Variants in MARCHF1 observed in about 807,000 individuals in gnomAD.
The protein encoded by MARCHF1 is membrane associated ring-CH-type finger 1.
In MARCHF1, 40 loss-of-function variants were observed where a neutral mutation model predicts 54.2. That is an observed-to-expected ratio of 0.74 (90% CI 0.57 to 0.96). The LOEUF is 0.96. MARCHF1 is among the 40% of genes least tolerant of loss of function. The pLI is 0.00. For synonymous variants in MARCHF1, 236 were observed against 236.3 expected, an observed-to-expected ratio of 1.00 and a Z score of 0.01; for missense variants, 586 against 656.5, an observed-to-expected ratio of 0.89 and a Z score of 1.17.
chr4:163,908,225 C>T (rs1415298553), intron 3 of MARCHF1, among the ~76,000 whole-genome samples: 2 of 152,104 alleles, frequency 1.3e-5, no homozygotes, highest in East Asian at 1.9e-4. Context: ...CTTCTGCATA[C>T]ATCAAAATGA....
At chr4:163,621,973 G>A (rs935937034) in intron 5 of MARCHF1, among the ~76,000 whole-genome samples, 3 of 152,008 alleles carry the variant, frequency 2.0e-5, no homozygotes, top group Non-Finnish European at 4.4e-5. Flanking sequence ...ATGTGGCACC[G>A]GTGTCTTAGG....
At chr4:164,145,246 A>C (rs1487004635) in intron 1 of MARCHF1, among the ~76,000 whole-genome samples, 1 of 152,200 alleles carries the variant, frequency 6.6e-6, no homozygotes, top group African/African-American at 2.4e-5. Context: ...CAGAGGTAAA[A>C]GGAAGAACTG....
At chr4:163,940,338 T>C (rs1242649621) in intron 3 of MARCHF1, among the ~76,000 whole-genome samples, 1 of 152,186 alleles carries the variant, frequency 6.6e-6, no homozygotes, top group Admixed American at 6.6e-5. Flanking sequence ...TTTATTTAAA[T>C]ATTCTATTTG....
At chr4:164,269,196 G>A (rs988149140) in intron 1 of MARCHF1, among the ~76,000 whole-genome samples, 8 of 152,138 alleles carry the variant, frequency 5.3e-5, no homozygotes, top group African/African-American at 7.2e-5. Flanking sequence ...GTGTGTCCAC[G>A]ATAAGCACTA....
At chr4:163,917,725 A>T (rs1368500619) in intron 3 of MARCHF1, among the ~76,000 whole-genome samples, 1 of 152,120 alleles carries the variant, frequency 6.6e-6, no homozygotes, top group African/African-American at 2.4e-5. Flanking sequence ...CCCGTCACCT[A>T]GGTGTTAAGA....
At chr4:164,074,250 C>G (rs1252427241) in intron 2 of MARCHF1, among the ~76,000 whole-genome samples, 2 of 152,170 alleles carry the variant, frequency 1.3e-5, no homozygotes, top group Non-Finnish European at 2.9e-5. Flanking sequence ...TTACCACCAC[C>G]TTTAAGAGTC....
rs568681460 is a variant in MARCHF1, at chr4:163,561,873, C to T, written c.1192-16130G>A. 3.3e-5 allele frequency among the ~76,000 whole-genome samples: 5 copies of T among 152,184 alleles called. No homozygotes were observed. In the South Asian group the frequency reaches 1.0e-3, roughly 32 times the overall value. ...ACATCTATCTTTTGGTTCTGTGCTC[C>T]ACCTATAGCTACTGACTTGCTTACT... On this transcript the variant is annotated intron_variant, in intron 8 of 9. Transcript: ENST00000514618.
intron 1 of MARCHF1, among the ~76,000 whole-genome samples, chr4:164,148,676 G>A (rs1560927953): frequency 6.6e-6 from 1 of 152,128 alleles, no homozygotes; most frequent in South Asian, 2.1e-4. Context: ...TCAAGCTATT[G>A]TTAAGCATGT....
chr4:164,177,103 T>C (rs926748778), intron 1 of MARCHF1, among the ~76,000 whole-genome samples: 2 of 150,650 alleles, frequency 1.3e-5, no homozygotes, highest in African/African-American at 4.9e-5. Context: ...TTCCTTCATA[T>C]AGCCCTTAAT....
At chr4:164,258,578 G>C (rs113629110) in intron 1 of MARCHF1, among the ~76,000 whole-genome samples, 6 of 152,040 alleles carry the variant, frequency 3.9e-5, no homozygotes, top group African/African-American at 1.4e-4. Flanking sequence ...CCCAGTAAAT[G>C]TAATTGTTAA....
intron 1 of MARCHF1, among the ~76,000 whole-genome samples, chr4:164,143,094 A>G (rs1579569193): frequency 6.8e-6 from 1 of 147,136 alleles, no homozygotes; most frequent in South Asian, 2.3e-4. Context: ...GAAATGAATG[A>G]AATGAAGCGA....
intron 8 of MARCHF1, among the ~76,000 whole-genome samples, chr4:163,553,611 G>T (rs189202419): frequency 3.4e-4 from 51 of 152,178 alleles, no homozygotes; most frequent in Non-Finnish European, 6.8e-4. Flanking sequence ...AAGAAATGGA[G>T]CAAATATCAT....
intron 4 of MARCHF1, among the ~76,000 whole-genome samples, chr4:163,738,694 C>A (rs1237738604): frequency 1.3e-5 from 2 of 152,132 alleles, no homozygotes; most frequent in Non-Finnish European, 1.5e-5. Context: ...TAATGCAAAG[C>A]AGAACAGAAT....
chr4:164,328,015 G>A (rs963331798), intron 1 of MARCHF1, among the ~76,000 whole-genome samples: 2 of 152,146 alleles, frequency 1.3e-5, no homozygotes, highest in African/African-American at 2.4e-5. Flanking sequence ...ATACAAAACC[G>A]TGTGCCATCA....
At chr4:164,034,104 T>TAGATAGATAGAC (rs71250061) in intron 2 of MARCHF1, among the ~76,000 whole-genome samples, 32,168 of 141,672 alleles carry the variant, frequency 0.23, 4,720 homozygotes, top group Non-Finnish European at 0.29. Flanking sequence ...GATAGATAGA[T>TAGATAGATAGAC]AGATAGATAG....
chr4:164,130,158 CAAT>C (rs1756270690), intron 1 of MARCHF1: 1 of 151,802 alleles, frequency 6.6e-6, no homozygotes, highest in African/African-American at 2.4e-5. Flanking sequence ...ACTTAAGAAA[CAAT>C]GATTATATCC....
chr4:164,178,363 T>G (rs1730745559), intron 1 of MARCHF1, among the ~76,000 whole-genome samples: 1 of 152,162 alleles, frequency 6.6e-6, no homozygotes, highest in Admixed American at 6.5e-5. Flanking sequence ...AACAGAGGCC[T>G]GACTGAGGGA....
intron 1 of MARCHF1, among the ~76,000 whole-genome samples, chr4:164,148,411 G>A (rs1264904226): frequency 6.6e-6 from 1 of 151,992 alleles, no homozygotes; most frequent in Non-Finnish European, 1.5e-5. Flanking sequence ...ATGATGGCCA[G>A]CCATGTTCTC....
At chr4:164,011,183 A>T (rs543181775) in intron 2 of MARCHF1, among the ~76,000 whole-genome samples, 27 of 152,314 alleles carry the variant, frequency 1.8e-4, no homozygotes, top group African/African-American at 6.3e-4. Flanking sequence ...AATCTTTGGG[A>T]ACAGACTCCT....
Sources: allele counts gnomAD v4.1 joint callset (sites outside exome capture counted in the v4.1 genomes callset), GRCh38; gene constraint gnomAD v4.1.1; transcripts MANE v1.5; gene names NCBI Gene and HGNC (gene_info 2026-07-23, HGNC 2026-07-21).